PTPRK: variants seen among roughly 807,000 people sequenced by gnomAD.
PTPRK encodes receptor-type tyrosine-protein phosphatase kappa.
A neutral mutation model predicts 178.0 loss-of-function variants in PTPRK; 75 were observed. The ratio of observed to expected loss-of-function variants is 0.42; its 90% CI spans 0.35 to 0.51. The LOEUF (loss-of-function observed/expected upper bound fraction) is 0.51. PTPRK is among the 20% of genes least tolerant of loss of function. The probability of loss-of-function intolerance (pLI) is 0.02; values close to 1 mark genes in which losing one functional copy is unlikely to be tolerated. For missense variants in PTPRK, 1,441 were observed against 1,797.8 expected (o/e 0.80, Z 3.59); for synonymous variants, 637 against 620.6 (o/e 1.03, Z -0.39).
intron 1 of PTPRK, among the ~76,000 whole-genome samples, chr6:128,401,946 A>T (rs148638365): frequency 1.2e-3 from 190 of 152,294 alleles, no homozygotes; most frequent in African/African-American, 4.4e-3. Flanking sequence ...AGTGATTATC[A>T]ACTTGGAATG....
At chr6:127,991,164 T>C (rs1776560408) in intron 20 of PTPRK, 130 bp downstream of exon 20, 1 of 659,382 alleles carries the variant, frequency 1.5e-6, no homozygotes, top group Non-Finnish European at 2.5e-6. Flanking sequence ...TACTTAGAAG[T>C]ACTCAACTAA....
chr6:128,426,945 T>A (rs1222345767), intron 1 of PTPRK, among the ~76,000 whole-genome samples: 1 of 152,206 alleles, frequency 6.6e-6, no homozygotes, highest in Non-Finnish European at 1.5e-5. Flanking sequence ...GATAATGGAA[T>A]CTTCCACACA....
At position 128,015,830 on chromosome 6, in the gene PTPRK, A is replaced by G. The variant is rs994691484; in HGVS notation, c.2195-6562T>C. On this transcript the variant is annotated intron_variant, in intron 13 of 29. Coordinates refer to ENST00000368226, the MANE Select transcript of PTPRK (RefSeq NM_002844.4). ...GATTGTAAATATTCAGCTTTACAAG[A>G]TAATACCAAACTATTACCAATTTAC... Among the ~76,000 whole-genome samples, 27 of 151,846 alleles carry G rather than the reference A, an allele frequency of 1.8e-4. 1 individual carries two copies. The highest frequency in any genetic ancestry group is 6.2e-4 in the South Asian group (3 of 4,832).
intron 7 of PTPRK, among the ~76,000 whole-genome samples, chr6:128,143,035 A>C (rs1337614251): frequency 1.3e-5 from 2 of 152,170 alleles, no homozygotes; most frequent in South Asian, 4.1e-4. Flanking sequence ...GAATTGAAAT[A>C]TTCAACAGTT....
chr6:128,221,529 A>T (rs1810413747), intron 5 of PTPRK, among the ~76,000 whole-genome samples: 1 of 146,272 alleles, frequency 6.8e-6, no homozygotes, highest in South Asian at 2.1e-4. Flanking sequence ...GTCTCAAAAA[A>T]AAAAAAAATA....
At chr6:127,987,757 C>T (rs577847029) in intron 21 of PTPRK, among the ~76,000 whole-genome samples, 12 of 152,134 alleles carry the variant, frequency 7.9e-5, no homozygotes, top group African/African-American at 1.7e-4. Flanking sequence ...TGATTATCCA[C>T]ATAACATTCA....
At chr6:128,187,060 G>C (rs961477681) in intron 6 of PTPRK, among the ~76,000 whole-genome samples, 2 of 152,078 alleles carry the variant, frequency 1.3e-5, no homozygotes, top group Non-Finnish European at 2.9e-5. Flanking sequence ...AATATGCCAA[G>C]TGAATTATAT....
At chr6:128,280,539 C>G (rs1261646233) in intron 3 of PTPRK, among the ~76,000 whole-genome samples, 1 of 152,090 alleles carries the variant, frequency 6.6e-6, no homozygotes, top group African/African-American at 2.4e-5. Flanking sequence ...ATTGGCCATA[C>G]TTTCTGTGTT....
At chr6:128,318,229 C>G (rs1475022211) in intron 3 of PTPRK, among the ~76,000 whole-genome samples, 1 of 152,144 alleles carries the variant, frequency 6.6e-6, no homozygotes. Flanking sequence ...GCCTGAAGAT[C>G]AATCTTTTAG....
rs577991419 is a variant in PTPRK, at chr6:128,254,798, A to G, written c.496-12196T>C. On this transcript the variant is annotated intron_variant, in intron 3 of 29. Coordinates refer to ENST00000368226, the MANE Select transcript of PTPRK (RefSeq NM_002844.4). ...ATCACAAACTTTTTGAAGAATACCT[A>G]TGACCTCTCTGGGTGTCCGACAATC... 1.1e-4 allele frequency among the ~76,000 whole-genome samples: 17 copies of G among 152,292 alleles called. No individual in the cohort carries two copies. The South Asian group carries it at 3.5e-3, about 32-fold the overall frequency.
At chr6:128,139,753 C>A (rs573504514) in intron 7 of PTPRK, among the ~76,000 whole-genome samples, 141 of 152,148 alleles carry the variant, frequency 9.3e-4, no homozygotes, top group Non-Finnish European at 1.9e-3. Context: ...CTGAGTAAAT[C>A]ACGCAGTACT....
intron 14 of PTPRK, among the ~76,000 whole-genome samples, chr6:128,008,343 A>T (rs958395235): frequency 3.5e-5 from 5 of 140,852 alleles, no homozygotes; most frequent in East Asian, 4.0e-4. Flanking sequence ...TATTTTTTTT[A>T]AAAGTCCTTC....
chr6:127,977,332 C>T (rs998282542), intron 25 of PTPRK, among the ~76,000 whole-genome samples: 1 of 152,160 alleles, frequency 6.6e-6, no homozygotes, highest in Non-Finnish European at 1.5e-5. Flanking sequence ...GACGTAAATA[C>T]AGGACAAATA....
At chr6:128,010,893 T>C (rs1438458488) in intron 13 of PTPRK, among the ~76,000 whole-genome samples, 1 of 151,144 alleles carries the variant, frequency 6.6e-6, no homozygotes, top group East Asian at 1.9e-4. Flanking sequence ...TTTCCATATA[T>C]TCCGGCTGTA....
intron 2 of PTPRK, among the ~76,000 whole-genome samples, chr6:128,323,912 G>T (rs1829193198): frequency 6.6e-6 from 1 of 151,890 alleles, no homozygotes; most frequent in Admixed American, 6.6e-5. Context: ...GTATTTTGGA[G>T]AAATTATGTC....
At chr6:128,141,853 G>A (rs779070085) in intron 7 of PTPRK, among the ~76,000 whole-genome samples, 1 of 151,892 alleles carries the variant, frequency 6.6e-6, no homozygotes, top group East Asian at 1.9e-4. Flanking sequence ...ATAGAAGCCA[G>A]AAGAATATTT....
chr6:128,149,782 C>T (rs1262057016), intron 7 of PTPRK, among the ~76,000 whole-genome samples: 2 of 152,140 alleles, frequency 1.3e-5, no homozygotes, highest in East Asian at 1.9e-4. Flanking sequence ...GCTCTCATCA[C>T]TCCTCTCTTC....
intron 1 of PTPRK, among the ~76,000 whole-genome samples, chr6:128,471,261 T>C (rs904878798): frequency 3.3e-5 from 5 of 151,918 alleles, no homozygotes; most frequent in Non-Finnish European, 5.9e-5. Flanking sequence ...GGGCATCCAG[T>C]TTTCTGATAT....
rs112174397 is a variant in PTPRK, at chr6:128,020,385, G to C, written c.2195-11117C>G. Among the ~76,000 whole-genome samples the C allele has an allele frequency of 1.0e-2, 1,517 of 152,250 alleles. 28 individuals are homozygous for C. The highest frequency in any genetic ancestry group is 0.035 in the African/African-American group (1,436 of 41,560). The stretch of plus-strand genomic sequence containing the variant: ...ACCTGACCCAAAATGAAATTGTTCT[G>C]AAATGATAAATGTGGATATATGGAG... On this transcript the variant is annotated intron_variant, in intron 13 of 29. Transcript: ENST00000368226.
Sources: allele counts gnomAD v4.1 joint callset (sites outside exome capture counted in the v4.1 genomes callset), GRCh38; gene constraint gnomAD v4.1.1; transcripts MANE v1.5; gene names NCBI Gene and HGNC (gene_info 2026-07-23, HGNC 2026-07-21).